PIK3CD: variants seen among roughly 807,000 people sequenced by gnomAD.
The protein encoded by PIK3CD is phosphatidylinositol-4,5-bisphosphate 3-kinase catalytic subunit delta.
Under a neutral mutation model 122.9 loss-of-function variants are expected in PIK3CD, and 20 were observed. The observed-to-expected ratio is 0.16, with a 90% CI of 0.11 to 0.24. The LOEUF is 0.24. Among genes scored for constraint, PIK3CD ranks in the 10% least tolerant of loss-of-function variants. PIK3CD has a pLI of 1.00. For synonymous variants in PIK3CD, 596 were observed against 593.4 expected, an observed-to-expected ratio of 1.00 and a Z score of -0.06; for missense variants, 787 against 1,406.3, an observed-to-expected ratio of 0.56 and a Z score of 7.04.
At position 9,652,433 on chromosome 1, in the gene PIK3CD, C is replaced by T. The variant is rs377738403; in HGVS notation, c.-138+631C>T. 3.4e-3 allele frequency among the ~76,000 whole-genome samples: 514 copies of T among 152,286 alleles called. 5 individuals are homozygous for T. The highest frequency in any genetic ancestry group is 0.022 in the East Asian group (113 of 5,154). On this transcript the variant is annotated intron_variant, in intron 1 of 23. Coordinates refer to ENST00000377346, the MANE Select transcript of PIK3CD (RefSeq NM_005026.5). The surrounding 1 kb of genome is among the most constrained non-coding windows in gnomAD (Gnocchi z 6.2). The stretch of plus-strand genomic sequence containing the variant: ...CGGGGCTTCCTCCCGGCTCGTGGAC[C>T]CGCGCCCCGCCTCCCAGTCCCGGGC...
At chr1:9,672,609 G>GATGTCTTGTCACAGCA (rs1474745601) in intron 1 of PIK3CD, 3 of 152,048 alleles carry the variant, frequency 2.0e-5, no homozygotes, top group Non-Finnish European at 4.4e-5. Context: ...ATTTTCGGTA[G>GATGTCTTGTCACAGCA]AGACAGGGGT....
In PIK3CD at chr1:9,728,941, TTTATGTTCTC is replaced by T. The variant is rs1466554165; in HGVS notation, c.*1896_*1905del. ...GAAAGAAAAAGCCTTTTTATGTTCT[TTTATGTTCTC>T]GGCTCAAAAAGAAACAAGGGAGTGT... On this transcript the variant is annotated 3_prime_UTR_variant, in exon 24 of 24. Transcript: ENST00000377346. The T allele has an allele frequency of 1.3e-5, 2 of 152,222 alleles. No individual in the cohort carries two copies. The highest frequency in any genetic ancestry group is 6.5e-5 in the Admixed American group (1 of 15,286). 9.4% of individuals were successfully genotyped at this position (152,222 alleles called of 1,614,324 possible).
At chr1:9,655,896 C>T (rs1224192301) in intron 1 of PIK3CD, among the ~76,000 whole-genome samples, 1 of 152,012 alleles carries the variant, frequency 6.6e-6, no homozygotes. Context: ...GGTGTTTTGC[C>T]ATGTTGGCCA....
intron 1 of PIK3CD, among the ~76,000 whole-genome samples, chr1:9,662,782 G>A (rs144418316): frequency 1.0e-3 from 156 of 151,882 alleles, no homozygotes; most frequent in African/African-American, 3.7e-3. Flanking sequence ...TCTACCTCCC[G>A]CGTCCTAGCA....
chr1:9,724,197 C>T lies in PIK3CD; in HGVS notation c.2719-79C>T, dbSNP rs1158351704. On this transcript the variant is annotated intron_variant, in intron 21 of 23. Transcript: ENST00000377346. This position sits in a 1 kb window ranked among gnomAD's most constrained non-coding sequence, Gnocchi z 7.3. ...GCTCTGTGGCAGGGGTCCCCCAGCC[C>T]TGCTGGCTTCCTGTCTCCCCTGGAT... 1.2e-6 allele frequency: 2 copies of T among 1,612,466 alleles called. No homozygotes were observed. Among genetic ancestry groups the T allele is most frequent in the Non-Finnish European group, 1.7e-6 (2 of 1,179,208 alleles).
intron 1 of PIK3CD, among the ~76,000 whole-genome samples, chr1:9,678,144 CA>C (rs58400420): frequency 0.069 from 9,182 of 133,932 alleles, 722 homozygotes; most frequent in African/African-American, 0.2. Flanking sequence ...AACTCCATCT[CA>C]AAAAAAAAAA....
At chr1:9,666,753 G>A (rs1356104737) in intron 1 of PIK3CD, among the ~76,000 whole-genome samples, 4 of 152,100 alleles carry the variant, frequency 2.6e-5, no homozygotes, top group African/African-American at 9.7e-5. Flanking sequence ...CGCCCAAGCT[G>A]GAGTGCAGTG....
intron 2 of PIK3CD, among the ~76,000 whole-genome samples, chr1:9,702,031 G>A (rs1646653096): frequency 2.7e-5 from 4 of 149,722 alleles, no homozygotes. Context: ...GTCTCACTCT[G>A]TTGCCCAGGC....
chr1:9,722,203 T>C lies in PIK3CD; in HGVS notation c.2235-41T>C, dbSNP rs28730676. ...GTTCCTCCCACCCCTGGGAGGCCGG[T>C]AGAGGAGCCCCTGCTGACTGCCCGC... On this transcript the variant is annotated intron_variant, in intron 17 of 23. Transcript: ENST00000377346. The surrounding 1 kb of genome is among the most constrained non-coding windows in gnomAD (Gnocchi z 7.6). 10,234 of 1,610,900 alleles carry C rather than the reference T, an allele frequency of 6.4e-3. 204 individuals carry two copies. The highest frequency in any genetic ancestry group is 0.051 in the African/African-American group (3,839 of 74,886).
At chr1:9,681,297 G>A (rs948460462) in intron 1 of PIK3CD, among the ~76,000 whole-genome samples, 3 of 152,142 alleles carry the variant, frequency 2.0e-5, no homozygotes, top group African/African-American at 7.2e-5. Flanking sequence ...AGGTGCAGTG[G>A]CACAATCAGA....
At chr1:9,690,135 A>T (rs1416109376) in intron 1 of PIK3CD, among the ~76,000 whole-genome samples, 2 of 151,990 alleles carry the variant, frequency 1.3e-5, no homozygotes, top group Non-Finnish European at 2.9e-5. Flanking sequence ...CCTGCCCCCT[A>T]TTCGGGACGG....
Position 9,719,717 on chromosome 1 carries a change from GTCAGCTGGCT to G in PIK3CD, c.1243-200_1243-191del, listed in dbSNP as rs1212497673. ...GTGGGAACAGGAGGGTGCAGCAGGTGTCAGCTGGCTTCACCACTGGAGCCCTCAGAGGAAA... is the reference window on the plus strand; with the variant it reads ...GTGGGAACAGGAGGGTGCAGCAGGTGTCACCACTGGAGCCCTCAGAGGAAA... On this transcript the variant is annotated intron_variant, in intron 9 of 23. Coordinates refer to ENST00000377346, the MANE Select transcript of PIK3CD (RefSeq NM_005026.5). The surrounding 1 kb of genome is among the most constrained non-coding windows in gnomAD (Gnocchi z 5.5). Among the ~76,000 whole-genome samples the G allele has an allele frequency of 6.6e-6, 1 of 151,800 alleles. No individual in the cohort carries two copies. Among genetic ancestry groups the G allele is most frequent in the African/African-American group, 2.4e-5 (1 of 41,382 alleles).
Position 9,727,234 on chromosome 1 carries a change from G to A in PIK3CD, c.*188G>A, listed in dbSNP as rs562898615. On this transcript the variant is annotated 3_prime_UTR_variant, in exon 24 of 24. Transcript: ENST00000377346. ...TTTAAGGAGCTAAACAGCCATAAAC[G>A]GAAACGCCTCCTTCATGCAGCGGCG... 8.5e-5 allele frequency: 59 copies of A among 694,774 alleles called. No individual in the cohort carries two copies. The highest frequency in any genetic ancestry group is 6.9e-4 in the South Asian group (39 of 56,142). The allele number at this position is 694,774 out of a possible 1,614,324, so 43.0% of individuals were successfully genotyped here.
chr1:9,641,673 C>T, the PIK3CD span, among the ~76,000 whole-genome samples: 1 of 152,236 alleles, frequency 6.6e-6, no homozygotes, highest in Admixed American at 6.5e-5. Context: ...GGGGCACCAT[C>T]CCCTCCACCT....
rs1647735708 is a variant in PIK3CD, at chr1:9,717,658, T to A, written c.1020+32T>A. ...CTCCTGGGATAGGTGGGAGAGACAC[T>A]GTTTTTTTGCACAAACAAGGTGGCT... is the stretch of plus-strand genomic sequence containing the variant. On this transcript the variant is annotated intron_variant, in intron 8 of 23. Coordinates refer to ENST00000377346, the MANE Select transcript of PIK3CD (RefSeq NM_005026.5). This position sits in a 1 kb window ranked among gnomAD's most constrained non-coding sequence, Gnocchi z 5.4. 6.3e-7 allele frequency: 1 copy of A among 1,599,320 alleles called. No individual in the cohort carries two copies. The highest frequency in any genetic ancestry group is 8.6e-7 in the Non-Finnish European group (1 of 1,167,132).
intron 15 of PIK3CD, 40 bp downstream of exon 15, chr1:9,721,627 C>T (rs1269910030): frequency 3.7e-6 from 6 of 1,611,320 alleles, no homozygotes; most frequent in Non-Finnish European, 5.1e-6. Context: ...GGAATCCCAG[C>T]CCCTGAGTCT....
Position 9,689,849 on chromosome 1 carries a change from C to T in PIK3CD, c.-137-1618C>T, listed in dbSNP as rs1323877630. On this transcript the variant is annotated intron_variant, in intron 1 of 23. Coordinates refer to ENST00000377346, the MANE Select transcript of PIK3CD (RefSeq NM_005026.5). The surrounding 1 kb of genome is among the most constrained non-coding windows in gnomAD (Gnocchi z 6.1). The stretch of plus-strand genomic sequence containing the variant: ...GCGGGGTGGGCAGGGTCGGTGGAGG[C>T]GATCAGGGGTCCGGGGCCGTGGGGG... Among the ~76,000 whole-genome samples the T allele has an allele frequency of 2.6e-5, 4 of 151,548 alleles. No homozygotes were observed. In the East Asian group the frequency reaches 7.8e-4, roughly 30 times the overall value.
the PIK3CD span, among the ~76,000 whole-genome samples, chr1:9,643,423 T>A: frequency 9.6e-6 from 1 of 104,496 alleles, no homozygotes; most frequent in Non-Finnish European, 1.8e-5. Flanking sequence ...AGACAGAAAG[T>A]GAGAGAGAGA....
the PIK3CD span, among the ~76,000 whole-genome samples, chr1:9,642,398 C>T: frequency 6.7e-6 from 1 of 149,788 alleles, no homozygotes; most frequent in Non-Finnish European, 1.5e-5. Flanking sequence ...CAGGCGTGAG[C>T]CGCTGTGCCC....
Sources: allele counts gnomAD v4.1 joint callset (sites outside exome capture counted in the v4.1 genomes callset), GRCh38; gene constraint gnomAD v4.1.1; non-coding constraint Gnocchi (gnomAD v3.1); transcripts MANE v1.5; gene names NCBI Gene and HGNC (gene_info 2026-07-23, HGNC 2026-07-21).